Variants in NRP1 observed in about 807,000 individuals in gnomAD.
The protein encoded by NRP1 is neuropilin-1.
Under a neutral mutation model 106.7 loss-of-function variants are expected in NRP1, and 35 were observed. The ratio of observed to expected loss-of-function variants is 0.33; its 90% CI spans 0.25 to 0.43. The LOEUF (loss-of-function observed/expected upper bound fraction) is 0.43, where lower values mean the gene tolerates loss of function less well. Among genes scored for constraint, NRP1 ranks in the 20% least tolerant of loss-of-function variants. The pLI, the probability that NRP1 is intolerant of heterozygous loss-of-function variation, is 1.00. For synonymous variants in NRP1, 437 were observed against 417.9 expected (o/e 1.05, Z -0.56); for missense variants, 1,024 against 1,170.4 (o/e 0.87, Z 1.83).
At chr10:33,240,315 T>C (rs1840915714) in intron 6 of NRP1, among the ~76,000 whole-genome samples, 1 of 152,238 alleles carries the variant, frequency 6.6e-6, no homozygotes, top group Non-Finnish European at 1.5e-5. Context: ...TTTTAAAAGC[T>C]GTTATTCTAT....
chr10:33,223,460 T>TA (rs34865522), intron 7 of NRP1, among the ~76,000 whole-genome samples: 22,222 of 142,472 alleles, frequency 0.16, 1,935 homozygotes, highest in East Asian at 0.51. Flanking sequence ...ATCTCTCCAT[T>TA]AAAAAAAAAA....
Position 33,182,665 on chromosome 10 carries a change from T to A in NRP1, c.2482+33A>T, listed in dbSNP as rs772825153. 47 of 1,527,158 alleles carry A rather than the reference T, an allele frequency of 3.1e-5. No homozygotes were observed. In the African/African-American group the frequency reaches 4.9e-4, roughly 16 times the overall value. The allele number at this position is 1,527,158 out of a possible 1,614,324, so 94.6% of individuals were successfully genotyped here. A position where few individuals can be genotyped will look rare whatever the true frequency, so the allele number is the denominator to read the frequency against. ...AAACACAATGAAAGCCATAGTAAAA[T>A]TTTTTAAAAATTGGTCAGCAAGACA... On this transcript the variant is annotated intron_variant, in intron 16 of 16. Coordinates refer to ENST00000374867, the MANE Select transcript of NRP1 (RefSeq NM_003873.7).
rs1376635343 is a variant in NRP1, at chr10:33,186,214, T to C, written c.2334+3A>G. 2 of 1,593,834 alleles carry C rather than the reference T, an allele frequency of 1.3e-6. No homozygotes were observed. The highest frequency in any genetic ancestry group is 1.7e-6 in the Non-Finnish European group (2 of 1,167,986). On this transcript the variant is annotated splice_donor_region_variant and intron_variant, in intron 14 of 16. Coordinates refer to ENST00000374867, the MANE Select transcript of NRP1 (RefSeq NM_003873.7). The stretch of plus-strand genomic sequence containing the variant: ...CCTCCCCAGCCTTGGGAAGAGGTCA[T>C]ACCTGATAAAGTTTCAGAGACTTGT...
intron 6 of NRP1, among the ~76,000 whole-genome samples, chr10:33,232,097 C>T (rs528803317): frequency 2.2e-4 from 33 of 152,208 alleles, no homozygotes; most frequent in Non-Finnish European, 4.3e-4. Flanking sequence ...TTGAATCATG[C>T]TAAGTTCTCA....
intron 9 of NRP1, among the ~76,000 whole-genome samples, chr10:33,209,961 A>G (rs539830070): frequency 5.6e-4 from 85 of 152,344 alleles, no homozygotes; most frequent in Admixed American, 4.1e-3. Context: ...CATGCCCAGT[A>G]GCTGTGTCAA....
intron 2 of NRP1, among the ~76,000 whole-genome samples, chr10:33,301,090 G>A (rs1428849734): frequency 6.6e-5 from 10 of 152,160 alleles, no homozygotes; most frequent in Admixed American, 5.9e-4. Flanking sequence ...AAATCAGGAC[G>A]TTGCCACACA....
At chr10:33,210,514 A>C (rs903192242) in intron 9 of NRP1, among the ~76,000 whole-genome samples, 3 of 152,218 alleles carry the variant, frequency 2.0e-5, no homozygotes, top group Non-Finnish European at 2.9e-5. Context: ...GAAGAATATT[A>C]GCAATGAAAA....
In NRP1 at chr10:33,213,517, C is replaced by A. The variant is rs749575467; in HGVS notation, c.1483G>T (p.Val495Leu). The change falls in exon 9 of 17, where the codon GTG (valine) becomes TTG (leucine). Residue 495 changes from valine (V) to leucine (L), a missense_variant. Val to Leu is a conservative substitution (Grantham distance 32). Transcript: ENST00000374867. ...LQIDLGEEKI[V>L]RGIIIQGGKH... The stretch of plus-strand genomic sequence containing the variant: ...CCACCCTGAATGATGATGCCCCTCA[C>A]GATCTTCTCCTCCCCCAGGTCTATT... 1.9e-6 allele frequency: 3 copies of A among 1,614,088 alleles called. No individual in the cohort carries two copies. Among genetic ancestry groups the A allele is most frequent in the Non-Finnish European group, 2.5e-6 (3 of 1,180,022 alleles).
chr10:33,273,833 G>A (rs1278129224), intron 2 of NRP1, among the ~76,000 whole-genome samples: 1 of 152,118 alleles, frequency 6.6e-6, no homozygotes, highest in East Asian at 1.9e-4. Context: ...TCACAAGGAG[G>A]CTATGAATGG....
At chr10:33,283,831 C>T (rs543494444) in intron 2 of NRP1, among the ~76,000 whole-genome samples, 102 of 152,300 alleles carry the variant, frequency 6.7e-4, no homozygotes, top group African/African-American at 2.3e-3. Flanking sequence ...AGCAGGAGCA[C>T]CATCTCAGCT....
At chr10:33,245,334 GT>G (rs1310920264) in intron 6 of NRP1, among the ~76,000 whole-genome samples, 1 of 152,192 alleles carries the variant, frequency 6.6e-6, no homozygotes, top group Non-Finnish European at 1.5e-5. Context: ...TGTATGCTAT[GT>G]GCTTCTAGTG....
At position 33,304,533 on chromosome 10, in the gene NRP1, T is replaced by C. The variant is rs73252174; in HGVS notation, c.248+26175A>G. On this transcript the variant is annotated intron_variant, in intron 2 of 16. Coordinates refer to ENST00000374867, the MANE Select transcript of NRP1 (RefSeq NM_003873.7). ...CACTGGTCTTCCCACTCTTTAGCACTAGGGCACCAGAACCCCAGTGTATGA... is the reference window on the plus strand; with the variant it reads ...CACTGGTCTTCCCACTCTTTAGCACCAGGGCACCAGAACCCCAGTGTATGA... 5.8e-3 allele frequency among the ~76,000 whole-genome samples: 876 copies of C among 152,282 alleles called. 11 individuals are homozygous for C. The highest frequency in any genetic ancestry group is 0.02 in the African/African-American group (818 of 41,560).
At chr10:33,317,540 C>T (rs547705224) in intron 2 of NRP1, among the ~76,000 whole-genome samples, 1 of 152,334 alleles carries the variant, frequency 6.6e-6, no homozygotes, top group South Asian at 2.1e-4. Flanking sequence ...TGGAAAGGAA[C>T]ATAATGACAC....
At chr10:33,212,949 G>A in intron 9 of NRP1, 1 of 412,362 alleles carries the variant, frequency 2.4e-6, no homozygotes, top group African/African-American at 2.0e-5. Context: ...GGGATTACAG[G>A]CATGAGCCAC....
intron 2 of NRP1, among the ~76,000 whole-genome samples, chr10:33,323,493 C>CT (rs1461828530): frequency 1.3e-5 from 2 of 151,986 alleles, no homozygotes; most frequent in Admixed American, 1.3e-4. Flanking sequence ...TAGTAGAGCT[C>CT]TGAATGAATG....
intron 1 of NRP1, 51 bp downstream of exon 1, chr10:33,334,259 C>T (rs1251447678): frequency 6.7e-7 from 1 of 1,503,720 alleles, no homozygotes; most frequent in Non-Finnish European, 9.0e-7. Flanking sequence ...CCGGGGCGGG[C>T]AGCTGGGAGC....
intron 2 of NRP1, among the ~76,000 whole-genome samples, chr10:33,321,062 C>T (rs1847468343): frequency 6.6e-6 from 1 of 152,212 alleles, no homozygotes; most frequent in Admixed American, 6.5e-5. Context: ...TCTTGGCTCA[C>T]TGCAATTTCT....
intron 2 of NRP1, among the ~76,000 whole-genome samples, chr10:33,276,089 T>C (rs747844664): frequency 6.6e-6 from 1 of 152,210 alleles, no homozygotes; most frequent in Non-Finnish European, 1.5e-5. Flanking sequence ...AAGCCATTAA[T>C]TGGTTATCTC....
chr10:33,315,518 A>T (rs1388078769), intron 2 of NRP1, among the ~76,000 whole-genome samples: 2 of 152,208 alleles, frequency 1.3e-5, no homozygotes. Flanking sequence ...TGGCCAATTC[A>T]ATTTGGCAAA....
Sources: allele counts gnomAD v4.1 joint callset (sites outside exome capture counted in the v4.1 genomes callset), GRCh38; gene constraint gnomAD v4.1.1; transcripts MANE v1.5; gene names NCBI Gene and HGNC (gene_info 2026-07-23, HGNC 2026-07-21).